REV3L: variants seen among roughly 807,000 people sequenced by gnomAD.
REV3L encodes DNA polymerase zeta catalytic subunit.
REV3L carries 69 observed loss-of-function variants against 299.4 expected under a neutral mutation model. The observed-to-expected ratio is 0.23, with a 90% CI of 0.19 to 0.28. REV3L has a LOEUF of 0.28. REV3L is among the 10% of genes least tolerant of loss of function. REV3L has a pLI of 1.00. For missense variants in REV3L, 3,128 were observed against 3,693.8 expected (o/e 0.85, Z 3.97); for synonymous variants, 1,238 against 1,271.4 (o/e 0.97, Z 0.56).
At chr6:111,451,877 T>C (rs1789590057) in intron 1 of REV3L, among the ~76,000 whole-genome samples, 1 of 150,042 alleles carries the variant, frequency 6.7e-6, no homozygotes, top group Non-Finnish European at 1.5e-5. Context: ...TTGGACTTTA[T>C]CATAGTTTAA....
At chr6:111,430,449 A>G in intron 1 of REV3L, 1 of 1,533,354 alleles carries the variant, frequency 6.5e-7, no homozygotes, top group Non-Finnish European at 9.0e-7. Context: ...TAATGCCATG[A>G]TTTACAATAA....
chr6:111,333,123 T>C lies in REV3L; in HGVS notation c.7925A>G (p.Lys2642Arg), dbSNP rs1775562456. ...TCLGHVENLGKYDEFKFGCTS... is the reference protein window; with the variant it reads ...TCLGHVENLGRYDEFKFGCTS... ...ATTGTAAATGTGAAAAAAACCTTAC[T>C]TTCCCAAGTTCTCCACATGGCCAAG... The change falls in exon 23 of 32, where the codon AAG becomes AGG. Residue 2642 changes from lysine to arginine, a missense_variant and splice_region_variant. By Grantham distance (26) the Lys-to-Arg change is conservative. Around this residue, in one of 9 missense-constraint regions of REV3L, gnomAD observed 149 missense variants for 286.4 expected, o/e 0.52. Coordinates refer to ENST00000368802, the MANE Select transcript of REV3L (RefSeq NM_001372078.1). The C allele has an allele frequency of 1.2e-6, 2 of 1,612,576 alleles. No homozygotes were observed. Among genetic ancestry groups the C allele is most frequent in the South Asian group, 2.2e-5 (2 of 91,044 alleles).
At chr6:111,433,259 T>C (rs1787158196) in intron 1 of REV3L, among the ~76,000 whole-genome samples, 2 of 151,774 alleles carry the variant, frequency 1.3e-5, no homozygotes, top group Admixed American at 6.6e-5. Context: ...TGAAAGGTTG[T>C]TTTTTTTAAA....
intron 21 of REV3L, among the ~76,000 whole-genome samples, chr6:111,341,722 A>T (rs2114890734): frequency 6.6e-6 from 1 of 151,546 alleles, no homozygotes; most frequent in East Asian, 1.9e-4. Context: ...GACGGAGCAC[A>T]GGAGAGAAAG....
rs540462187 is a variant in REV3L, at chr6:111,305,507, A to T, written c.9252+1854T>A. ...GAGGCTGAGCTGAGAGGATCACTTG[A>T]GCCCAGGAGGTTGAGGCTGCAATGA... On this transcript the variant is annotated intron_variant, in intron 31 of 31. Transcript: ENST00000368802. 2.4e-4 allele frequency among the ~76,000 whole-genome samples: 37 copies of T among 152,232 alleles called. No homozygotes were observed. In the South Asian group the frequency reaches 7.3e-3, roughly 30 times the overall value.
intron 1 of REV3L, among the ~76,000 whole-genome samples, chr6:111,425,313 GC>G (rs1321756020): frequency 6.6e-6 from 1 of 152,074 alleles, no homozygotes; most frequent in African/African-American, 2.4e-5. Context: ...AAAAAAATTA[GC>G]CGGGTGTGGT....
chr6:111,477,757 A>G (rs912629940), intron 1 of REV3L, among the ~76,000 whole-genome samples: 6 of 152,262 alleles, frequency 3.9e-5, no homozygotes, highest in Non-Finnish European at 8.8e-5. Context: ...GAAGCATATC[A>G]AACAGTAGGG....
At chr6:111,303,118 T>C (rs1342208953) in intron 31 of REV3L, among the ~76,000 whole-genome samples, 1 of 151,726 alleles carries the variant, frequency 6.6e-6, no homozygotes, top group Non-Finnish European at 1.5e-5. Context: ...TTACATTCAT[T>C]TGTAATATTT....
chr6:111,357,013 C>A lies in REV3L; in HGVS notation c.7184+1G>T. 6.5e-7 allele frequency: 1 copy of A among 1,534,982 alleles called. No homozygotes were observed. The highest frequency in any genetic ancestry group is 8.9e-7 in the Non-Finnish European group (1 of 1,120,448). On this transcript the variant is annotated splice_donor_variant, in intron 18 of 31. Coordinates refer to ENST00000368802, the MANE Select transcript of REV3L (RefSeq NM_001372078.1). LOFTEE classifies it high-confidence loss of function. ...GAAAAATCAGATATACAAAACAATA[C>A]CTCTTTATTATATTTGCAATTTCAT...
rs1419509231 is a variant in REV3L at position 111,349,638 on chromosome 6, C to T, written c.7301-302G>A. Reference sequence around the variant, plus strand: ...TGGCTAGCCACAGGTGCAATCATAGCACACTACAGCCTCAAACTCCTGGTC... The same window carrying T: ...TGGCTAGCCACAGGTGCAATCATAGTACACTACAGCCTCAAACTCCTGGTC... On this transcript the variant is annotated intron_variant, in intron 19 of 31. Transcript: ENST00000368802. Among the ~76,000 whole-genome samples the T allele has an allele frequency of 2.6e-5, 4 of 152,216 alleles. No homozygotes were observed. In the East Asian group the frequency reaches 7.7e-4, roughly 29 times the overall value.
chr6:111,461,297 G>C (rs1790744833), intron 1 of REV3L, among the ~76,000 whole-genome samples: 1 of 151,930 alleles, frequency 6.6e-6, no homozygotes, highest in Non-Finnish European at 1.5e-5. Context: ...TTGCGTCTTA[G>C]TTTTTAACAA....
At chr6:111,435,216 AAAC>A (rs1787413387) in intron 1 of REV3L, among the ~76,000 whole-genome samples, 2 of 152,214 alleles carry the variant, frequency 1.3e-5, no homozygotes, top group African/African-American at 2.4e-5. Flanking sequence ...TCTCAAAACA[AAAC>A]AACAAAACAA....
At position 111,392,969 on chromosome 6, in the gene REV3L, T is replaced by C. The variant is rs748960461; in HGVS notation, c.569A>G (p.Asn190Ser). ...GCAGGATCCAGTTGCATGCAATGTA[T>C]TACCTAGGAATAGAAAGGTAAAAGG... is the stretch of plus-strand genomic sequence containing the variant. ...VKFRKARRKS[N>S]TLHATGSCKN... is the part of the protein sequence containing the mutation. The change falls in exon 5 of 32, where the codon AAT (asparagine) becomes AGT (serine). Residue 190 changes from asparagine (N) to serine (S), a missense_variant. By Grantham distance (46) the Asn-to-Ser change is conservative. Coordinates refer to ENST00000368802, the MANE Select transcript of REV3L (RefSeq NM_001372078.1). 4 of 1,584,712 alleles carry C rather than the reference T, an allele frequency of 2.5e-6. No individual in the cohort carries two copies. Among genetic ancestry groups the C allele is most frequent in the South Asian group, 2.2e-5 (2 of 90,470 alleles).
At chr6:111,447,159 A>C (rs572507282) in intron 1 of REV3L, among the ~76,000 whole-genome samples, 7 of 152,198 alleles carry the variant, frequency 4.6e-5, no homozygotes, top group Non-Finnish European at 7.3e-5. Flanking sequence ...TTATTGCTAA[A>C]ATTACAGAAT....
At chr6:111,338,629 T>A (rs1776182624) in intron 21 of REV3L, among the ~76,000 whole-genome samples, 1 of 151,886 alleles carries the variant, frequency 6.6e-6, no homozygotes. Flanking sequence ...GAAGTTTGTT[T>A]TTGGGCAAAA....
At chr6:111,346,662 A>G (rs1777062022) in intron 20 of REV3L, among the ~76,000 whole-genome samples, 1 of 152,136 alleles carries the variant, frequency 6.6e-6, no homozygotes, top group Non-Finnish European at 1.5e-5. Flanking sequence ...AATTTTTAAA[A>G]AACAGGTTAC....
In REV3L at chr6:111,474,069, A is replaced by T. The variant is rs140194000; in HGVS notation, c.139+8681T>A. Reference sequence around the variant, plus strand: ...CAGTGCCTGGTGAAAAAAAATTATCATATTTTCTAATTACAGAAGAAAAAA... The same window carrying T: ...CAGTGCCTGGTGAAAAAAAATTATCTTATTTTCTAATTACAGAAGAAAAAA... On this transcript the variant is annotated intron_variant, in intron 1 of 31. Transcript: ENST00000368802. Among the ~76,000 whole-genome samples the T allele has an allele frequency of 1.9e-4, 29 of 152,292 alleles. No homozygotes were observed. The East Asian group carries it at 4.4e-3, about 23-fold the overall frequency.
intron 31 of REV3L, among the ~76,000 whole-genome samples, chr6:111,306,960 T>C (rs1772378052): frequency 6.6e-6 from 1 of 152,236 alleles, no homozygotes; most frequent in Admixed American, 6.5e-5. Flanking sequence ...TGAGTATCAT[T>C]AATCTGAAAA....
chr6:111,482,726 G>A (rs748191690), intron 1 of REV3L, 24 bp downstream of exon 1: 4 of 1,315,192 alleles, frequency 3.0e-6, no homozygotes, highest in Non-Finnish European at 3.9e-6. Flanking sequence ...TCCCGCTCCC[G>A]CCCCGCGCCC....
Sources: allele counts gnomAD v4.1 joint callset (sites outside exome capture counted in the v4.1 genomes callset), GRCh38; gene constraint gnomAD v4.1.1; regional missense constraint gnomAD v4.1.1; transcripts MANE v1.5; gene names NCBI Gene and HGNC (gene_info 2026-07-23, HGNC 2026-07-21).